The following STRIP2 variants were observed in gnomAD, a reference collection of about 807,000 sequenced individuals.
STRIP2 encodes striatin interacting protein 2.
In STRIP2, 84 loss-of-function variants were observed where a neutral mutation model predicts 107.1. The observed-to-expected ratio is 0.78, with a 90% CI of 0.66 to 0.94. The LOEUF is 0.94. Ranked by LOEUF, STRIP2 falls within the 40% of genes least tolerant of loss-of-function variation. STRIP2 has a pLI of 0.00. For synonymous variants in STRIP2, 394 were observed against 400.4 expected (o/e 0.98, Z 0.19); for missense variants, 888 against 1,034.2 (o/e 0.86, Z 1.94).
Position 129,461,418 on chromosome 7 carries a change from A to G in STRIP2, c.1476+1046A>G, listed in dbSNP as rs1334708155. On this transcript the variant is annotated intron_variant, in intron 13 of 20. Transcript: ENST00000249344. This position sits in a 1 kb window ranked among gnomAD's most constrained non-coding sequence, Gnocchi z 4.0. Reference sequence around the variant, plus strand: ...CCCAGGGAGGGAGTAGAGACAAAGAAGAGAATGGAAGGCAGGACAAAGCCC... The same window carrying G: ...CCCAGGGAGGGAGTAGAGACAAAGAGGAGAATGGAAGGCAGGACAAAGCCC... Among the ~76,000 whole-genome samples the G allele has an allele frequency of 1.3e-5, 2 of 152,222 alleles. No homozygotes were observed.
chr7:129,434,782 C>A (rs115852717), intron 1 of STRIP2, among the ~76,000 whole-genome samples, 181 bp downstream of exon 1: 1 of 152,260 alleles, frequency 6.6e-6, no homozygotes, highest in Non-Finnish European at 1.5e-5. Context: ...AGTGTCCGCC[C>A]GTCTCCTGCC....
intron 18 of STRIP2, chr7:129,478,201 A>G (rs375638250): frequency 1.5e-4 from 34 of 230,602 alleles, no homozygotes; most frequent in Non-Finnish European, 7.7e-5. Context: ...TTTATGTTGG[A>G]CTTTTTATAT....
rs1798434207 is a variant in STRIP2 at position 129,458,563 on chromosome 7, T to G, written c.1274+113T>G. On this transcript the variant is annotated intron_variant, in intron 10 of 20. Coordinates refer to ENST00000249344, the MANE Select transcript of STRIP2 (RefSeq NM_020704.3). The surrounding 1 kb of genome is among the most constrained non-coding windows in gnomAD (Gnocchi z 4.6). ...GTTAAGTTGGTCTGGCAGTCAGAAC[T>G]CCTGGGTTTGAAATTCCTTCTGTTG... The G allele has an allele frequency of 4.0e-6, 5 of 1,247,750 alleles. No individual in the cohort carries two copies. The highest frequency in any genetic ancestry group is 2.4e-4 in the Middle Eastern group (1 of 4,148). The allele number at this position is 1,247,750 out of a possible 1,614,324, so 77.3% of individuals were successfully genotyped here. A position where few individuals can be genotyped will look rare whatever the true frequency, so the allele number is the denominator to read the frequency against.
At chr7:129,463,362 G>C (rs368916331) in intron 14 of STRIP2, among the ~76,000 whole-genome samples, 1 of 152,192 alleles carries the variant, frequency 6.6e-6, no homozygotes, top group African/African-American at 2.4e-5. Context: ...CCTCAGGCTG[G>C]GAGTGGGGAA....
At chr7:129,459,906 T>C (rs1223157346) in intron 12 of STRIP2, among the ~76,000 whole-genome samples, 1 of 152,122 alleles carries the variant, frequency 6.6e-6, no homozygotes, top group Non-Finnish European at 1.5e-5. Context: ...AGGCCCAGGA[T>C]TGAGTAGGAG....
chr7:129,458,273 C>T lies in STRIP2; in HGVS notation c.1097C>T (p.Thr366Ile), dbSNP rs766161807. The stretch of plus-strand genomic sequence containing the variant: ...TACAATGAAAGGGATCTCTTCAAGA[C>T]TGAGGAGCCCGCCACAGAGGAGGAA... ...DIYNERDLFK[T>I]EEPATEEEEE... The change falls in exon 10 of 21, where the codon ACT becomes ATT. Residue 366 changes from threonine (T) to isoleucine (I), a missense_variant. Coordinates refer to ENST00000249344, the MANE Select transcript of STRIP2 (RefSeq NM_020704.3). This position sits in a 1 kb window ranked among gnomAD's most constrained non-coding sequence, Gnocchi z 4.6. 3.1e-6 allele frequency: 5 copies of T among 1,614,168 alleles called. No homozygotes were observed. The highest frequency in any genetic ancestry group is 4.2e-6 in the Non-Finnish European group (5 of 1,180,018).
At chr7:129,465,070 T>G (rs1365165002) in intron 16 of STRIP2, among the ~76,000 whole-genome samples, 4 of 150,488 alleles carry the variant, frequency 2.7e-5, no homozygotes, top group African/African-American at 9.8e-5. Flanking sequence ...GTGGGGGGAG[T>G]ATGTTGACCG....
rs199989692 is a variant in STRIP2, at chr7:129,464,184, T to C, written c.1649+43T>C. 2.8e-6 allele frequency: 4 copies of C among 1,430,600 alleles called. No homozygotes were observed. In the African/African-American group the frequency reaches 4.2e-5, roughly 15 times the overall value. The allele number at this position is 1,430,600 out of a possible 1,614,324, so 88.6% of individuals were successfully genotyped here. A position where few individuals can be genotyped will look rare whatever the true frequency, so the allele number is the denominator to read the frequency against. On this transcript the variant is annotated intron_variant, in intron 15 of 20. Transcript: ENST00000249344. ...GGCAGCTGCTGGATACTAGCTGTCT[T>C]ATCTGCAGGCTCTCTCTAGTCCCCA...
intron 16 of STRIP2, 99 bp downstream of exon 16, chr7:129,464,837 CT>C (rs1798632970): frequency 5.4e-6 from 8 of 1,483,510 alleles, no homozygotes; most frequent in Non-Finnish European, 7.4e-6. Context: ...TGATGAGCAT[CT>C]TTCAGCCTTT....
chr7:129,459,581 G>A lies in STRIP2; in HGVS notation c.1404+1G>A, dbSNP rs780779231. 6.2e-6 allele frequency: 10 copies of A among 1,613,694 alleles called. No homozygotes were observed. The South Asian group carries it at 9.9e-5, about 16-fold the overall frequency. On this transcript the variant is annotated splice_donor_variant, in intron 12 of 20. Transcript: ENST00000249344. LOFTEE classifies it high-confidence loss of function. ...TGAGAGTGTGAAGACCCTAAAGCAG[G>A]TGACTGGGGTGGGCTCTCAGTCTTC... is the stretch of plus-strand genomic sequence containing the variant.
chr7:129,439,968 G>T, intron 1 of STRIP2, 54 bp from the exon 2 acceptor site: 1 of 1,432,940 alleles, frequency 7.0e-7, no homozygotes, highest in Non-Finnish European at 9.8e-7. Flanking sequence ...GTCTTCCCTT[G>T]GCAACCCCTT....
chr7:129,445,421 T>C (rs1765373028), intron 3 of STRIP2, among the ~76,000 whole-genome samples: 1 of 152,096 alleles, frequency 6.6e-6, no homozygotes, highest in African/African-American at 2.4e-5. Flanking sequence ...TTCCTCCCTC[T>C]GGAGCTAAAA....
At chr7:129,441,407 G>A (rs934464551) in intron 2 of STRIP2, among the ~76,000 whole-genome samples, 2 of 152,162 alleles carry the variant, frequency 1.3e-5, no homozygotes, top group Admixed American at 6.5e-5. Flanking sequence ...ACAAGAAAAT[G>A]TACAAAGATG....
chr7:129,452,966 C>G (rs1008090427), intron 4 of STRIP2, among the ~76,000 whole-genome samples: 1 of 152,074 alleles, frequency 6.6e-6, no homozygotes, highest in African/African-American at 2.4e-5. Flanking sequence ...CACTGGAATC[C>G]TTACTTACCT....
intron 7 of STRIP2, 26 bp downstream of exon 7, chr7:129,454,553 GTGGATGGGGTGCTAA>G (rs1251928533): frequency 6.2e-6 from 9 of 1,448,412 alleles, no homozygotes; most frequent in Non-Finnish European, 8.7e-6. Context: ...TGAGGAAGGT[GTGGATGGGGTGCTAA>G]TGGGAGAGGG....
intron 18 of STRIP2, chr7:129,477,741 T>C (rs1169335390): frequency 8.8e-6 from 2 of 226,692 alleles, no homozygotes; most frequent in East Asian, 2.7e-4. Flanking sequence ...AAATCTAAAA[T>C]AGAAAAAACA....
At position 129,470,987 on chromosome 7, in the gene STRIP2, A is replaced by T. The variant is rs534643932; in HGVS notation, c.1944+272A>T. ...AAAAGGAATTTAGAAACATAATGGG[A>T]CCGAAATTGAGCGTGAATATCTATG... is the stretch of plus-strand genomic sequence containing the variant. On this transcript the variant is annotated intron_variant, in intron 18 of 20. Transcript: ENST00000249344. 2.6e-5 allele frequency among the ~76,000 whole-genome samples: 4 copies of T among 152,322 alleles called. No individual in the cohort carries two copies. The East Asian group carries it at 7.7e-4, about 29-fold the overall frequency.
In STRIP2 at chr7:129,458,253, T is replaced by C; in HGVS notation, c.1077T>C (p.Asn359=). The C allele has an allele frequency of 6.2e-7, 1 of 1,614,034 alleles. No homozygotes were observed. Among genetic ancestry groups the C allele is most frequent in the South Asian group, 1.1e-5 (1 of 91,048 alleles). Residue 359 remains asparagine, a synonymous_variant, in exon 10 of 21, where the codon AAT becomes AAC. Coordinates refer to ENST00000249344, the MANE Select transcript of STRIP2 (RefSeq NM_020704.3). The surrounding 1 kb of genome is among the most constrained non-coding windows in gnomAD (Gnocchi z 4.6). ...LTKQDSLDIY[N]ERDLFKTEEP... is the part of the protein sequence containing the mutation. ...AGCAGGACAGCCTGGACATCTACAA[T>C]GAAAGGGATCTCTTCAAGACTGAGG...
At chr7:129,448,760 C>T (rs1798103783) in intron 3 of STRIP2, among the ~76,000 whole-genome samples, 1 of 152,164 alleles carries the variant, frequency 6.6e-6, no homozygotes, top group African/African-American at 2.4e-5. Flanking sequence ...TGGCCCCTGC[C>T]ACCTCGGGAT....
Sources: gnomAD v4.1 joint callset for allele counts (sites outside exome capture counted in the v4.1 genomes callset) on GRCh38, gnomAD v4.1.1 for gene constraint, Gnocchi (gnomAD v3.1) non-coding constraint, MANE v1.5 for transcripts, NCBI Gene and HGNC (gene_info 2026-07-23, HGNC 2026-07-21) for gene names.